The following IFNLR1 variants were observed in gnomAD, a reference collection of about 807,000 sequenced individuals.
The protein encoded by IFNLR1 is interferon lambda receptor 1.
IFNLR1 carries 28 observed loss-of-function variants against 52.5 expected under a neutral mutation model. The observed-to-expected ratio is 0.53, with a 90% CI of 0.40 to 0.73. The LOEUF is 0.73. Ranked by LOEUF, IFNLR1 falls within the 30% of genes least tolerant of loss-of-function variation. The pLI is 0.00. For missense variants in IFNLR1, 623 were observed against 659.1 expected, an observed-to-expected ratio of 0.95 and a Z score of 0.60; for synonymous variants, 276 against 274.9, an observed-to-expected ratio of 1.00 and a Z score of -0.04.
At chr1:24,183,384 G>A (rs1316139865) in intron 1 of IFNLR1, among the ~76,000 whole-genome samples, 1 of 151,798 alleles carries the variant, frequency 6.6e-6, no homozygotes, top group Non-Finnish European at 1.5e-5. Context: ...AATCATTTGA[G>A]ACCAGGAATT....
chr1:24,168,648 T>G (rs1007304273), intron 3 of IFNLR1, among the ~76,000 whole-genome samples: 29 of 152,122 alleles, frequency 1.9e-4, no homozygotes, highest in African/African-American at 7.0e-4. Context: ...CCAGTAAGCA[T>G]GGGACATTTT....
Position 24,161,639 on chromosome 1 carries a change from A to T in IFNLR1, c.413T>A (p.Ile138Asn). Residue 138 changes from isoleucine to asparagine, a missense_variant, in exon 4 of 7, where the codon ATC (isoleucine) becomes AAC (asparagine). Coordinates refer to ENST00000327535, the MANE Select transcript of IFNLR1 (RefSeq NM_170743.4). ...PVLVLTQTEE[I>N]LSANATYQLP... ...CTGGTACGTGGCATTGGCACTCAGG[A>T]TCTCCTCCGTCTGGGTGAGCACCAG... The T allele has an allele frequency of 6.5e-7, 1 of 1,543,494 alleles. No individual in the cohort carries two copies.
Position 24,169,473 on chromosome 1 carries a change from G to A in IFNLR1, c.311C>T (p.Ser104Phe). ...NKFKGRVRTV[S>F]PSSKSPWVES... ...CACCCAGGGGGACTTGGAGCTGGGA[G>A]AAACCGTCCGCACGCGTCCCTTGAA... The change falls in exon 3 of 7, where the codon TCT becomes TTT. Residue 104 changes from serine (S) to phenylalanine (F), a missense_variant. Transcript: ENST00000327535. 1 of 1,614,236 alleles carries A rather than the reference G, an allele frequency of 6.2e-7. No homozygotes were observed. The highest frequency in any genetic ancestry group is 2.2e-5 in the East Asian group (1 of 44,886).
chr1:24,166,859 G>C (rs1644525774), intron 3 of IFNLR1, among the ~76,000 whole-genome samples: 1 of 152,132 alleles, frequency 6.6e-6, no homozygotes, highest in Non-Finnish European at 1.5e-5. Context: ...TTACAGGTGT[G>C]AGCCACAGTG....
In IFNLR1 at chr1:24,156,920, T is replaced by C; in HGVS notation, c.*210A>G. 1 of 592,366 alleles carries C rather than the reference T, an allele frequency of 1.7e-6. No individual in the cohort carries two copies. Among genetic ancestry groups the C allele is most frequent in the Middle Eastern group, 4.5e-4 (1 of 2,222 alleles). 36.7% of individuals were successfully genotyped at this position (592,366 alleles called of 1,614,324 possible). A position where few individuals can be genotyped will look rare whatever the true frequency, so the allele number is the denominator to read the frequency against. On this transcript the variant is annotated 3_prime_UTR_variant, in exon 7 of 7. Coordinates refer to ENST00000327535, the MANE Select transcript of IFNLR1 (RefSeq NM_170743.4). The stretch of plus-strand genomic sequence containing the variant: ...GCCCACCCTGTGTCCACCCCTCTTA[T>C]AGCTCAGCCTAAAGAGGGCGGGTCA...
chr1:24,180,872 G>T lies in IFNLR1; in HGVS notation c.59-18C>A, dbSNP rs1165878123. 3 of 1,610,702 alleles carry T rather than the reference G, an allele frequency of 1.9e-6. No individual in the cohort carries two copies. The highest frequency in any genetic ancestry group is 2.5e-6 in the Non-Finnish European group (3 of 1,179,092). On this transcript the variant is annotated intron_variant, in intron 1 of 6. Transcript: ENST00000327535. ...GGGCCTCCCTGGGGGAAAGAAAGGG[G>T]TCATGAAGCCTGGAGCTCCTGGCTG...
At chr1:24,162,840 T>TCTCC (rs1644470485) in intron 3 of IFNLR1, among the ~76,000 whole-genome samples, 2 of 58,960 alleles carry the variant, frequency 3.4e-5, no homozygotes, top group South Asian at 7.8e-4. Flanking sequence ...CTTTTCTTTC[T>TCTCC]TTCTTTCTTT....
intron 4 of IFNLR1, among the ~76,000 whole-genome samples, chr1:24,160,977 T>G (rs895026510): frequency 1.5e-4 from 22 of 151,260 alleles, no homozygotes; most frequent in African/African-American, 5.1e-4. Flanking sequence ...TCCCACCACC[T>G]CGGCCTCCCA....
chr1:24,179,626 A>G (rs1157389033), intron 2 of IFNLR1, among the ~76,000 whole-genome samples: 1 of 152,212 alleles, frequency 6.6e-6, no homozygotes, highest in African/African-American at 2.4e-5. Context: ...TTCTGGCTCC[A>G]TGACGTCCTT....
rs368149277 is a variant in IFNLR1, at chr1:24,157,852, G to C, written c.841C>G (p.Pro281Ala). Residue 281 changes from proline to alanine, a missense_variant, in exon 7 of 7, where the codon CCC becomes GCC. By Grantham distance (27) the Pro-to-Ala change is conservative. Transcript: ENST00000327535. The surrounding 1 kb of genome is among the most constrained non-coding windows in gnomAD (Gnocchi z 5.1). ...GHTHPVATFQ[P>A]SRPESVNDLF... ...TCATTCACGGACTCTGGTCTGCTGG[G>C]CTGAAAGGTTGCCACAGGGTGTGTG... 5.0e-6 allele frequency: 8 copies of C among 1,609,186 alleles called. No homozygotes were observed. Among genetic ancestry groups the C allele is most frequent in the African/African-American group, 4.0e-5 (3 of 74,702 alleles).
Position 24,155,935 on chromosome 1 carries a change from T to C in IFNLR1, c.*1195A>G, listed in dbSNP as rs1644373781. On this transcript the variant is annotated 3_prime_UTR_variant, in exon 7 of 7. Coordinates refer to ENST00000327535, the MANE Select transcript of IFNLR1 (RefSeq NM_170743.4). ...GATAGTCACCTGAATCTAGAAGGCA[T>C]TGGTTTCTCATAACTGGAAGGGAGA... 1 of 152,112 alleles carries C rather than the reference T, an allele frequency of 6.6e-6. No individual in the cohort carries two copies. Among genetic ancestry groups the C allele is most frequent in the Non-Finnish European group, 1.5e-5 (1 of 68,014 alleles). The allele number at this position is 152,112 out of a possible 1,614,324, so 9.4% of individuals were successfully genotyped here. A position where few individuals can be genotyped will look rare whatever the true frequency, so the allele number is the denominator to read the frequency against.
chr1:24,175,268 T>A (rs1452872927), intron 2 of IFNLR1, among the ~76,000 whole-genome samples: 1 of 152,206 alleles, frequency 6.6e-6, no homozygotes, highest in Non-Finnish European at 1.5e-5. Context: ...TGCTAACCAG[T>A]GACTCGAGGG....
intron 3 of IFNLR1, among the ~76,000 whole-genome samples, chr1:24,164,094 G>T (rs1057254414): frequency 6.6e-5 from 10 of 152,162 alleles, no homozygotes; most frequent in Non-Finnish European, 2.9e-5. Context: ...AACATAAAAT[G>T]TGGGACAGGC....
intron 2 of IFNLR1, 63 bp downstream of exon 2, chr1:24,180,668 C>CCCCGA: frequency 8.1e-7 from 1 of 1,238,452 alleles, no homozygotes; most frequent in Non-Finnish European, 1.2e-6. Context: ...CCCAGAGAAG[C>CCCCGA]CCCTCCAGCC....
At chr1:24,166,833 T>C (rs1004923792) in intron 3 of IFNLR1, among the ~76,000 whole-genome samples, 1 of 152,114 alleles carries the variant, frequency 6.6e-6, no homozygotes, top group Admixed American at 6.5e-5. Context: ...CACCTTGGCC[T>C]CCCAAAGTGA....
At chr1:24,173,328 C>A (rs1438011317) in intron 2 of IFNLR1, among the ~76,000 whole-genome samples, 1 of 151,966 alleles carries the variant, frequency 6.6e-6, no homozygotes, top group Non-Finnish European at 1.5e-5. Context: ...CCAATAAGCA[C>A]ATGAAAAGAT....
intron 1 of IFNLR1, among the ~76,000 whole-genome samples, chr1:24,185,529 G>A (rs948655539): frequency 7.9e-5 from 12 of 152,236 alleles, no homozygotes; most frequent in Admixed American, 6.5e-4. Context: ...TTCTGTGGAT[G>A]GCTGTCCCCA....
At chr1:24,179,009 C>T (rs72650419) in intron 2 of IFNLR1, among the ~76,000 whole-genome samples, 9,394 of 152,032 alleles carry the variant, frequency 0.062, 700 homozygotes, top group African/African-American at 0.18. Flanking sequence ...GGTGTGATCT[C>T]AGCTCACTGC....
intron 2 of IFNLR1, among the ~76,000 whole-genome samples, chr1:24,172,488 T>C (rs1644591297): frequency 6.6e-6 from 1 of 151,990 alleles, no homozygotes; most frequent in African/African-American, 2.4e-5. Context: ...AAAGCAAAAT[T>C]CATTTCAGAA....
Sources: gnomAD v4.1 joint callset for allele counts (sites outside exome capture counted in the v4.1 genomes callset) on GRCh38, gnomAD v4.1.1 for gene constraint, Gnocchi (gnomAD v3.1) non-coding constraint, MANE v1.5 for transcripts, NCBI Gene and HGNC (gene_info 2026-07-23, HGNC 2026-07-21) for gene names.